Variants in MAML3 observed in about 807,000 individuals in gnomAD.
MAML3 encodes mastermind-like protein 3.
A neutral mutation model predicts 101.9 loss-of-function variants in MAML3; 27 were observed. That is an observed-to-expected ratio of 0.27 (90% CI 0.20 to 0.37). The LOEUF is 0.37. MAML3 is among the 10% of genes least tolerant of loss of function. MAML3 has a pLI of 1.00. For missense variants in MAML3, 1,316 were observed against 1,444.9 expected (o/e 0.91, Z 1.45); for synonymous variants, 501 against 555.9 (o/e 0.90, Z 1.39).
chr4:140,152,001 G>A (rs1392966320), intron 1 of MAML3, among the ~76,000 whole-genome samples: 1 of 152,208 alleles, frequency 6.6e-6, no homozygotes, highest in Non-Finnish European at 1.5e-5. Flanking sequence ...GTGCACGCAA[G>A]TTTAAAAGGA....
At chr4:140,012,194 T>G (rs545033555) in intron 1 of MAML3, among the ~76,000 whole-genome samples, 1 of 152,292 alleles carries the variant, frequency 6.6e-6, no homozygotes, top group South Asian at 2.1e-4. Context: ...AAAAAGAAGA[T>G]AAAAGAATTA....
intron 1 of MAML3, among the ~76,000 whole-genome samples, chr4:139,984,712 G>A (rs1053315488): frequency 3.3e-5 from 5 of 152,194 alleles, no homozygotes; most frequent in African/African-American, 1.2e-4. Context: ...AACTCAGGCA[G>A]GATTTTATGC....
chr4:139,846,924 C>T (rs1731462074), intron 2 of MAML3, among the ~76,000 whole-genome samples: 1 of 152,036 alleles, frequency 6.6e-6, no homozygotes, highest in South Asian at 2.1e-4. Flanking sequence ...TGGGGAAAAC[C>T]CCAAAAGTGT....
intron 1 of MAML3, among the ~76,000 whole-genome samples, chr4:139,948,931 G>T (rs1349028016): frequency 1.3e-5 from 2 of 152,202 alleles, no homozygotes; most frequent in African/African-American, 4.8e-5. Flanking sequence ...TCTCACTCCA[G>T]GGGTAAGCTC....
chr4:139,974,035 T>A (rs1194781257), intron 1 of MAML3, among the ~76,000 whole-genome samples: 1 of 152,130 alleles, frequency 6.6e-6, no homozygotes, highest in Non-Finnish European at 1.5e-5. Context: ...ATGTGGTTGA[T>A]GAATTAACGG....
At chr4:140,085,383 A>G (rs1251712195) in intron 1 of MAML3, among the ~76,000 whole-genome samples, 1 of 152,092 alleles carries the variant, frequency 6.6e-6, no homozygotes, top group East Asian at 1.9e-4. Flanking sequence ...CGCAGGCCCC[A>G]GGGCACCCTC....
At chr4:139,949,126 C>CT (rs1181397473) in intron 1 of MAML3, among the ~76,000 whole-genome samples, 2 of 152,286 alleles carry the variant, frequency 1.3e-5, no homozygotes, top group Non-Finnish European at 1.5e-5. Flanking sequence ...AGAAATTCCC[C>CT]TGCCTCAGCC....
chr4:140,078,028 A>AAATAAATAAATAAATAAAT (rs1553973336), intron 1 of MAML3, among the ~76,000 whole-genome samples: 6 of 147,960 alleles, frequency 4.1e-5, no homozygotes, highest in African/African-American at 7.5e-5. Flanking sequence ...AATAAATAAA[A>AAATAAATAAATAAATAAAT]AAATAAATAA....
intron 2 of MAML3, among the ~76,000 whole-genome samples, chr4:139,886,117 A>G (rs1010689501): frequency 6.6e-6 from 1 of 151,934 alleles, no homozygotes; most frequent in African/African-American, 2.4e-5. Flanking sequence ...GAATGAGAAC[A>G]TGGTAAAGGG....
chr4:139,977,246 G>C (rs1396336790), intron 1 of MAML3, among the ~76,000 whole-genome samples: 1 of 152,056 alleles, frequency 6.6e-6, no homozygotes, highest in Non-Finnish European at 1.5e-5. Flanking sequence ...ATGGTATCTT[G>C]TCATAGCAGC....
At chr4:140,107,282 T>G (rs942798829) in intron 1 of MAML3, among the ~76,000 whole-genome samples, 1 of 152,166 alleles carries the variant, frequency 6.6e-6, no homozygotes. Context: ...AACTACACAA[T>G]GAAAATATAT....
intron 1 of MAML3, among the ~76,000 whole-genome samples, chr4:139,970,258 T>C (rs1484577203): frequency 6.6e-6 from 1 of 152,130 alleles, no homozygotes; most frequent in African/African-American, 2.4e-5. Context: ...GAGTAGAGCA[T>C]TGGATGAAAT....
At chr4:139,918,992 A>G (rs542996211) in intron 1 of MAML3, among the ~76,000 whole-genome samples, 10 of 152,322 alleles carry the variant, frequency 6.6e-5, no homozygotes, top group African/African-American at 2.4e-4. Flanking sequence ...CACTGGAGAA[A>G]GACATTATCC....
intron 1 of MAML3, among the ~76,000 whole-genome samples, chr4:139,984,583 T>C (rs1370036856): frequency 2.6e-5 from 4 of 152,178 alleles, no homozygotes; most frequent in African/African-American, 7.2e-5. Flanking sequence ...ACTATTTAGA[T>C]AGTGTATCAG....
intron 1 of MAML3, among the ~76,000 whole-genome samples, chr4:139,956,475 T>C (rs750265616): frequency 6.6e-6 from 1 of 152,232 alleles, no homozygotes; most frequent in African/African-American, 2.4e-5. Flanking sequence ...CAGGGCTAGC[T>C]GAATGATTTC....
At chr4:139,792,306 C>T (rs1288570097) in intron 2 of MAML3, among the ~76,000 whole-genome samples, 1 of 152,098 alleles carries the variant, frequency 6.6e-6, no homozygotes, top group Non-Finnish European at 1.5e-5. Context: ...CAAACGATAT[C>T]CTTTACAGAT....
At chr4:140,079,155 G>C (rs1578674216) in intron 1 of MAML3, among the ~76,000 whole-genome samples, 1 of 152,084 alleles carries the variant, frequency 6.6e-6, no homozygotes, top group South Asian at 2.1e-4. Context: ...AGAAAGGAAG[G>C]TAACCTCTTC....
At chr4:139,924,417 C>G (rs1298772045) in intron 1 of MAML3, among the ~76,000 whole-genome samples, 1 of 152,052 alleles carries the variant, frequency 6.6e-6, no homozygotes, top group African/African-American at 2.4e-5. Context: ...AAATCTTTAC[C>G]TTTCATATTA....
chr4:140,093,478 A>T lies in MAML3; in HGVS notation c.468+59382T>A, dbSNP rs1461150506. ...GTCGCCCAGGCTGGAGTGCAGTGGC[A>T]CTATCTCGGCTCACTGCAATCTCTG... On this transcript the variant is annotated intron_variant, in intron 1 of 4. Coordinates refer to ENST00000509479, the MANE Select transcript of MAML3 (RefSeq NM_018717.5). Among the ~76,000 whole-genome samples, 13 of 145,712 alleles carry T rather than the reference A, an allele frequency of 8.9e-5. No individual in the cohort carries two copies. The South Asian group carries it at 2.8e-3, about 32-fold the overall frequency.
Sources: gnomAD v4.1 joint callset for allele counts (sites outside exome capture counted in the v4.1 genomes callset) on GRCh38, gnomAD v4.1.1 for gene constraint, MANE v1.5 for transcripts, NCBI Gene and HGNC (gene_info 2026-07-23, HGNC 2026-07-21) for gene names.